The following PTPRT variants were observed in gnomAD, a reference collection of about 807,000 sequenced individuals.
The protein encoded by PTPRT is protein tyrosine phosphatase receptor type T.
A neutral mutation model predicts 176.8 loss-of-function variants in PTPRT; 56 were observed. The ratio of observed to expected loss-of-function variants is 0.32; its 90% CI spans 0.26 to 0.40. The LOEUF is 0.40. PTPRT is among the 10% of genes least tolerant of loss of function. The pLI is 1.00. For synonymous variants in PTPRT, 783 were observed against 739.0 expected (o/e 1.06, Z -0.96); for missense variants, 1,540 against 1,908.2 (o/e 0.81, Z 3.60).
intron 13 of PTPRT, among the ~76,000 whole-genome samples, chr20:42,276,533 A>ATATATATATG (rs2057037565): frequency 2.2e-5 from 1 of 44,922 alleles, no homozygotes; most frequent in Non-Finnish European, 4.4e-5. Flanking sequence ...ATATATATAT[A>ATATATATATG]TATATATATA....
chr20:42,232,569 T>C (rs1182346388), intron 15 of PTPRT, among the ~76,000 whole-genome samples: 2 of 151,746 alleles, frequency 1.3e-5, no homozygotes, highest in African/African-American at 2.4e-5. Context: ...TCCTTTCTGT[T>C]TCCTCTTCCT....
At chr20:42,891,917 C>T (rs1318581063) in intron 1 of PTPRT, among the ~76,000 whole-genome samples, 2 of 152,318 alleles carry the variant, frequency 1.3e-5, no homozygotes, top group East Asian at 3.9e-4. Context: ...ATATTTTCAG[C>T]TCTGTAGTCA....
chr20:42,337,915 G>A (rs1366645536), intron 11 of PTPRT, among the ~76,000 whole-genome samples: 1 of 152,150 alleles, frequency 6.6e-6, no homozygotes, highest in East Asian at 1.9e-4. Context: ...ACCTTGGTGT[G>A]ATGTCTGTAC....
At position 42,110,317 on chromosome 20, in the gene PTPRT, A is replaced by C. The variant is rs1178146422; in HGVS notation, c.3254+16T>G. The C allele has an allele frequency of 6.3e-6, 10 of 1,587,168 alleles. No individual in the cohort carries two copies. Among genetic ancestry groups the C allele is most frequent in the Non-Finnish European group, 8.6e-6 (10 of 1,162,454 alleles). On this transcript the variant is annotated intron_variant, in intron 23 of 30. Coordinates refer to ENST00000373187, the MANE Select transcript of PTPRT (RefSeq NM_007050.6). ...TGCCCGCCTCGGCCTCCCAAGGTGA[A>C]GGACCTTTGACTTACCTGCAGTGGA...
chr20:43,030,576 G>A (rs1986102427), intron 1 of PTPRT, among the ~76,000 whole-genome samples: 1 of 152,120 alleles, frequency 6.6e-6, no homozygotes, highest in Non-Finnish European at 1.5e-5. Flanking sequence ...TGGAACTTAG[G>A]ATGGACAGAT....
At chr20:42,727,408 T>A (rs552488467) in intron 6 of PTPRT, among the ~76,000 whole-genome samples, 6 of 152,194 alleles carry the variant, frequency 3.9e-5, no homozygotes, top group African/African-American at 1.4e-4. Flanking sequence ...AGAGATTTCA[T>A]TAACATAACA....
intron 15 of PTPRT, among the ~76,000 whole-genome samples, chr20:42,204,315 T>C (rs1218628806): frequency 2.0e-5 from 3 of 152,026 alleles, no homozygotes; most frequent in Non-Finnish European, 2.9e-5. Context: ...AAAAATCTCA[T>C]GCAATAGTCA....
At chr20:43,003,009 C>A (rs1388250089) in intron 1 of PTPRT, among the ~76,000 whole-genome samples, 2 of 151,192 alleles carry the variant, frequency 1.3e-5, no homozygotes, top group Non-Finnish European at 3.0e-5. Flanking sequence ...AAGCATAAAC[C>A]AAAGTAGAAA....
Position 42,115,201 on chromosome 20 carries a change from T to C in PTPRT, c.3097A>G (p.Lys1033Glu), listed in dbSNP as rs2146311040. 1.2e-6 allele frequency: 2 copies of C among 1,612,638 alleles called. No homozygotes were observed. Among genetic ancestry groups the C allele is most frequent in the East Asian group, 2.2e-5 (1 of 44,874 alleles). ...EYVIRTFTVQ[K>E]KGYHEIRELR... ...CCCACAGCCTCCAAGAAGCTTACCT[T>C]CTGGACTGTGAAGGTGCGTATGACG... The change falls in exon 22 of 31, where the codon AAG becomes GAG. Residue 1033 changes from lysine (K) to glutamate (E), a missense_variant and splice_region_variant. Coordinates refer to ENST00000373187, the MANE Select transcript of PTPRT (RefSeq NM_007050.6).
chr20:42,930,494 T>C (rs1979769951), intron 1 of PTPRT, among the ~76,000 whole-genome samples: 1 of 152,152 alleles, frequency 6.6e-6, no homozygotes, highest in African/African-American at 2.4e-5. Flanking sequence ...ATTAATTTTT[T>C]TTTTTAGGAA....
chr20:42,951,946 AG>A (rs1259008588), intron 1 of PTPRT, among the ~76,000 whole-genome samples: 1 of 152,226 alleles, frequency 6.6e-6, no homozygotes, highest in African/African-American at 2.4e-5. Context: ...GGCCTGGCCA[AG>A]AAAATGTTTT....
intron 9 of PTPRT, among the ~76,000 whole-genome samples, chr20:42,433,933 A>C (rs1186795325): frequency 6.6e-6 from 1 of 152,220 alleles, no homozygotes; most frequent in Non-Finnish European, 1.5e-5. Flanking sequence ...TATATCTAAC[A>C]TTCTAGTAAG....
chr20:43,132,639 A>G (rs1251135403), intron 1 of PTPRT, among the ~76,000 whole-genome samples: 1 of 152,236 alleles, frequency 6.6e-6, no homozygotes, highest in Non-Finnish European at 1.5e-5. Context: ...TGATTATTTT[A>G]AGGATTTGAG....
At chr20:42,150,449 C>G (rs1989077205) in intron 17 of PTPRT, among the ~76,000 whole-genome samples, 1 of 152,188 alleles carries the variant, frequency 6.6e-6, no homozygotes. Context: ...CTTGCCGCCT[C>G]CATGTTCAGT....
intron 16 of PTPRT, among the ~76,000 whole-genome samples, chr20:42,196,578 A>G (rs903180532): frequency 7.9e-5 from 12 of 152,164 alleles, no homozygotes; most frequent in African/African-American, 2.9e-4. Context: ...CCTCCTAGCT[A>G]CCTGTAATTT....
At chr20:42,555,555 A>G (rs987884338) in intron 7 of PTPRT, among the ~76,000 whole-genome samples, 1 of 152,136 alleles carries the variant, frequency 6.6e-6, no homozygotes. Context: ...TTATTGTTCA[A>G]TATCCATTAT....
chr20:42,894,420 C>T (rs2079256339), intron 1 of PTPRT, among the ~76,000 whole-genome samples: 1 of 152,138 alleles, frequency 6.6e-6, no homozygotes, highest in Admixed American at 6.5e-5. Context: ...GCACTGTTCT[C>T]AGTGTTCACC....
At chr20:42,603,208 A>C (rs768745041) in intron 7 of PTPRT, among the ~76,000 whole-genome samples, 77 of 152,276 alleles carry the variant, frequency 5.1e-4, no homozygotes, top group Non-Finnish European at 9.4e-4. Context: ...GAAGACAATA[A>C]ACAGGAGATA....
At chr20:42,993,131 T>G (rs1265398205) in intron 1 of PTPRT, among the ~76,000 whole-genome samples, 1 of 151,938 alleles carries the variant, frequency 6.6e-6, no homozygotes, top group East Asian at 1.9e-4. Context: ...AAAATATGTA[T>G]TTGGCCTTTT....
Sources: gnomAD v4.1 joint callset for allele counts (sites outside exome capture counted in the v4.1 genomes callset) on GRCh38, gnomAD v4.1.1 for gene constraint, MANE v1.5 for transcripts, NCBI Gene and HGNC (gene_info 2026-07-23, HGNC 2026-07-21) for gene names.